Variants in CNTNAP2 observed in about 807,000 individuals in gnomAD.
CNTNAP2 encodes contactin-associated protein-like 2.
In CNTNAP2, 98 loss-of-function variants were observed where a neutral mutation model predicts 155.2. The ratio of observed to expected loss-of-function variants is 0.63; its 90% CI spans 0.54 to 0.75. The LOEUF is 0.75. Among genes scored for constraint, CNTNAP2 ranks in the 30% least tolerant of loss-of-function variants. The probability of loss-of-function intolerance (pLI) is 0.00; values close to 1 mark genes in which losing one functional copy is unlikely to be tolerated. For synonymous variants in CNTNAP2, 651 were observed against 631.2 expected (o/e 1.03, Z -0.47); for missense variants, 1,727 against 1,688.1 (o/e 1.02, Z -0.40).
intron 12 of CNTNAP2, among the ~76,000 whole-genome samples, chr7:147,599,314 T>A (rs531209158): frequency 2.6e-4 from 39 of 151,074 alleles, no homozygotes; most frequent in African/African-American, 9.0e-4. Context: ...CTGTCTCTAC[T>A]AAAAAAATAA....
chr7:146,411,884 T>A (rs923448667), intron 1 of CNTNAP2, among the ~76,000 whole-genome samples: 2 of 151,940 alleles, frequency 1.3e-5, no homozygotes, highest in African/African-American at 4.8e-5. Flanking sequence ...TTGCCCAGGA[T>A]GGAGTGCAAT....
At chr7:146,906,252 C>A (rs1346421842) in intron 3 of CNTNAP2, among the ~76,000 whole-genome samples, 3 of 152,242 alleles carry the variant, frequency 2.0e-5, no homozygotes, top group Non-Finnish European at 2.9e-5. Flanking sequence ...CCCAGGCTTG[C>A]TTAGGTAAAC....
At chr7:147,658,601 C>G (rs180961055) in intron 13 of CNTNAP2, among the ~76,000 whole-genome samples, 1 of 152,288 alleles carries the variant, frequency 6.6e-6, no homozygotes, top group East Asian at 1.9e-4. Flanking sequence ...AAATCTCCCC[C>G]TGCAGGGCTA....
intron 1 of CNTNAP2, among the ~76,000 whole-genome samples, chr7:146,549,934 G>A (rs935579057): frequency 2.6e-5 from 4 of 152,028 alleles, no homozygotes; most frequent in Non-Finnish European, 5.9e-5. Context: ...TGACCTTAGT[G>A]TTGTGCTATT....
chr7:146,724,935 G>A (rs923269013), intron 1 of CNTNAP2, among the ~76,000 whole-genome samples: 4 of 151,966 alleles, frequency 2.6e-5, no homozygotes, highest in African/African-American at 9.7e-5. Context: ...CCACAGATTG[G>A]GTCACTTAAA....
chr7:146,981,793 C>A (rs1473796561), intron 3 of CNTNAP2, among the ~76,000 whole-genome samples: 2 of 152,074 alleles, frequency 1.3e-5, no homozygotes, highest in Non-Finnish European at 2.9e-5. Context: ...ATTAGACTTA[C>A]TTTAAATATT....
chr7:146,778,286 T>C (rs577471305), intron 2 of CNTNAP2, among the ~76,000 whole-genome samples: 2 of 152,354 alleles, frequency 1.3e-5, no homozygotes, highest in East Asian at 3.9e-4. Context: ...TATATTCAAA[T>C]GACAGATTGT....
At chr7:147,491,503 C>T (rs1221669150) in intron 11 of CNTNAP2, among the ~76,000 whole-genome samples, 1 of 152,196 alleles carries the variant, frequency 6.6e-6, no homozygotes, top group East Asian at 1.9e-4. Context: ...TATGATTTTG[C>T]ACTTATTATT....
At chr7:146,589,146 C>G (rs1207650135) in intron 1 of CNTNAP2, among the ~76,000 whole-genome samples, 1 of 152,092 alleles carries the variant, frequency 6.6e-6, no homozygotes, top group African/African-American at 2.4e-5. Flanking sequence ...TTTTATAAAA[C>G]AGTATGAGCA....
chr7:148,172,209 C>T (rs1181545298), intron 17 of CNTNAP2, 33 bp from the exon 18 acceptor site: 1 of 1,579,786 alleles, frequency 6.3e-7, no homozygotes, highest in Non-Finnish European at 8.7e-7. Flanking sequence ...AGAGGTTATT[C>T]CCTCTGAACT....
intron 18 of CNTNAP2, among the ~76,000 whole-genome samples, chr7:148,205,663 T>C (rs1164018287): frequency 6.6e-6 from 1 of 152,264 alleles, no homozygotes; most frequent in Non-Finnish European, 1.5e-5. Flanking sequence ...GACATTTCTT[T>C]CAAGAAGCCC....
At position 147,276,236 on chromosome 7, in the gene CNTNAP2, TG is replaced by T. The variant is rs1373540057; in HGVS notation, c.1349-23903del. 1.4e-4 allele frequency among the ~76,000 whole-genome samples: 20 copies of T among 147,796 alleles called. No individual in the cohort carries two copies. In the East Asian group the frequency reaches 3.6e-3, roughly 27 times the overall value. ...TGCCTCCTCCTTAATTTTTTTTTTT[TG>T]GAATAGTTTCAATAGGATCGATACC... On this transcript the variant is annotated intron_variant, in intron 8 of 23. Coordinates refer to ENST00000361727, the MANE Select transcript of CNTNAP2 (RefSeq NM_014141.6).
chr7:147,234,548 C>T (rs901489673), intron 8 of CNTNAP2, among the ~76,000 whole-genome samples: 8 of 151,934 alleles, frequency 5.3e-5, no homozygotes, highest in South Asian at 4.2e-4. Flanking sequence ...ACCGTGTTAG[C>T]CAGGATGGTC....
At chr7:146,394,788 T>G (rs1795596262) in intron 1 of CNTNAP2, among the ~76,000 whole-genome samples, 1 of 152,176 alleles carries the variant, frequency 6.6e-6, no homozygotes, top group African/African-American at 2.4e-5. Flanking sequence ...AAGTACAGTT[T>G]TGTTTCATGC....
At chr7:147,146,206 C>G (rs1801697731) in intron 8 of CNTNAP2, 1 of 152,368 alleles carries the variant, frequency 6.6e-6, no homozygotes, top group East Asian at 1.9e-4. Context: ...AAAGTGTGTT[C>G]TAGGGGCTCA....
rs118145830 is a variant in CNTNAP2 at position 147,023,960 on chromosome 7, G to A, written c.403-19947G>A. Among the ~76,000 whole-genome samples, 69 of 152,188 alleles carry A rather than the reference G, an allele frequency of 4.5e-4. No individual in the cohort carries two copies. In the East Asian group the frequency reaches 6.0e-3, roughly 13 times the overall value. On this transcript the variant is annotated intron_variant, in intron 3 of 23. Coordinates refer to ENST00000361727, the MANE Select transcript of CNTNAP2 (RefSeq NM_014141.6). ...TGTTATACTCCTCTCTTTATTTCCC[G>A]AATCTCCTATTCATGTTCCAGTTTA...
chr7:147,570,881 G>A (rs73464989), intron 12 of CNTNAP2, among the ~76,000 whole-genome samples: 5,648 of 152,292 alleles, frequency 0.037, 168 homozygotes, highest in African/African-American at 0.068. Flanking sequence ...TTTAGATTCT[G>A]TAGTACGATT....
At chr7:147,353,104 C>A (rs1030708247) in intron 9 of CNTNAP2, among the ~76,000 whole-genome samples, 5 of 151,406 alleles carry the variant, frequency 3.3e-5, no homozygotes, top group Non-Finnish European at 7.4e-5. Flanking sequence ...TAGACACACA[C>A]ACACATGTAT....
At chr7:148,088,848 C>T (rs981510288) in intron 15 of CNTNAP2, among the ~76,000 whole-genome samples, 1 of 151,718 alleles carries the variant, frequency 6.6e-6, no homozygotes, top group Non-Finnish European at 1.5e-5. Flanking sequence ...CCAGAAAAAG[C>T]ACCACAAGAA....
Sources: allele counts gnomAD v4.1 joint callset (sites outside exome capture counted in the v4.1 genomes callset), GRCh38; gene constraint gnomAD v4.1.1; transcripts MANE v1.5; gene names NCBI Gene and HGNC (gene_info 2026-07-23, HGNC 2026-07-21).